The following PCDH15 variants were observed in gnomAD, a reference collection of about 807,000 sequenced individuals.
PCDH15 encodes the protein protocadherin-15.
A neutral mutation model predicts 178.5 loss-of-function variants in PCDH15; 129 were observed. That is an observed-to-expected ratio of 0.72 (90% CI 0.63 to 0.84). The LOEUF (loss-of-function observed/expected upper bound fraction) is 0.84. PCDH15 is among the 40% of genes least tolerant of loss of function. The probability of loss-of-function intolerance (pLI) is 0.00; values close to 1 mark genes in which losing one functional copy is unlikely to be tolerated. For synonymous variants in PCDH15, 800 were observed against 732.0 expected (o/e 1.09, Z -1.50); for missense variants, 2,230 against 2,099.9 (o/e 1.06, Z -1.21).
intron 3 of PCDH15, among the ~76,000 whole-genome samples, chr10:54,872,699 G>A (rs963049593): frequency 1.3e-5 from 2 of 151,992 alleles, no homozygotes; most frequent in Non-Finnish European, 2.9e-5. Context: ...CATCATGCTC[G>A]ATATACTTAG....
At chr10:54,631,042 A>C (rs2093687257) in intron 2 of PCDH15, among the ~76,000 whole-genome samples, 1 of 152,184 alleles carries the variant, frequency 6.6e-6, no homozygotes, top group Non-Finnish European at 1.5e-5. Flanking sequence ...ATGTCCCTAC[A>C]ATATCTCATG....
chr10:54,867,700 C>A (rs1166987047), intron 3 of PCDH15, among the ~76,000 whole-genome samples: 2 of 151,938 alleles, frequency 1.3e-5, no homozygotes, highest in Non-Finnish European at 2.9e-5. Flanking sequence ...GCAATTAATT[C>A]ACTCTTTCTA....
At chr10:54,517,323 G>C (rs934436605) in intron 3 of PCDH15, among the ~76,000 whole-genome samples, 1 of 152,090 alleles carries the variant, frequency 6.6e-6, no homozygotes, top group Non-Finnish European at 1.5e-5. Flanking sequence ...CCCATCTCAT[G>C]TGCAGAGACA....
chr10:54,887,582 T>G (rs148763607), intron 3 of PCDH15, among the ~76,000 whole-genome samples: 1 of 152,034 alleles, frequency 6.6e-6, no homozygotes, highest in South Asian at 2.1e-4. Context: ...AAAAGAGTAA[T>G]GCAAAGTATT....
intron 26 of PCDH15, among the ~76,000 whole-genome samples, chr10:53,899,560 T>A (rs895056425): frequency 1.6e-4 from 25 of 152,322 alleles, no homozygotes; most frequent in African/African-American, 6.0e-4. Flanking sequence ...TTAACTTTTA[T>A]CATTCTGCGT....
Position 54,638,876 on chromosome 10 carries a change from T to G in PCDH15, c.91+25296A>C, listed in dbSNP as rs559602086. Among the ~76,000 whole-genome samples, 180 of 143,220 alleles carry G rather than the reference T, an allele frequency of 1.3e-3. 1 individual carries two copies. In the Middle Eastern group the frequency reaches 0.017, roughly 14 times the overall value. The allele number at this position is 143,220 out of a possible 152,430, so 94.0% of individuals were successfully genotyped here. On this transcript the variant is annotated intron_variant, in intron 2 of 37. Coordinates refer to ENST00000644397, the MANE Select transcript of PCDH15 (RefSeq NM_001384140.1). ...AGCTATAAAAAATAACGAAATTATG[T>G]TTTTTTTTGCAGCAACTTGGATGGA... is the stretch of plus-strand genomic sequence containing the variant.
chr10:54,602,579 A>G (rs1283988687), intron 2 of PCDH15, among the ~76,000 whole-genome samples: 3 of 151,904 alleles, frequency 2.0e-5, no homozygotes, highest in Non-Finnish European at 4.4e-5. Context: ...TTCCCCATTG[A>G]TTATTATGTT....
At chr10:55,272,056 A>G (rs1210497224) in intron 1 of PCDH15, among the ~76,000 whole-genome samples, 1 of 152,140 alleles carries the variant, frequency 6.6e-6, no homozygotes, top group Non-Finnish European at 1.5e-5. Flanking sequence ...CACGAGTTTG[A>G]GGAAATAAAT....
At chr10:54,822,680 T>C (rs188989628) in intron 3 of PCDH15, among the ~76,000 whole-genome samples, 1 of 152,002 alleles carries the variant, frequency 6.6e-6, no homozygotes, top group Admixed American at 6.6e-5. Context: ...CACATGGTAA[T>C]TCTATTTTTA....
chr10:54,545,477 G>A (rs941787667), intron 2 of PCDH15, among the ~76,000 whole-genome samples: 2 of 150,340 alleles, frequency 1.3e-5, no homozygotes, highest in African/African-American at 5.0e-5. Context: ...GCCACTATTG[G>A]TTCAAGTAAG....
rs535842047 is a variant in PCDH15, at chr10:55,490,140, T to C, written c.-156+137485A>G. Among the ~76,000 whole-genome samples, 40 of 151,782 alleles carry C rather than the reference T, an allele frequency of 2.6e-4. 1 individual carries two copies. Among genetic ancestry groups the C allele is most frequent in the African/African-American group, 9.4e-4 (39 of 41,476 alleles). On this transcript the variant is annotated intron_variant, in intron 2 of 5. Transcript: ENST00000613346. ...TGTAAAAAGGGAAATAAACAGAAAGTGTTCTATATAATCCTAGTTTTCTGT... is the reference window on the plus strand; with the variant it reads ...TGTAAAAAGGGAAATAAACAGAAAGCGTTCTATATAATCCTAGTTTTCTGT...
chr10:55,112,750 G>A (rs1386579660), intron 2 of PCDH15, among the ~76,000 whole-genome samples: 1 of 152,162 alleles, frequency 6.6e-6, no homozygotes, highest in Non-Finnish European at 1.5e-5. Context: ...TTATGGGATA[G>A]AGGCAACAAG....
At chr10:54,623,118 T>C (rs1362600667) in intron 2 of PCDH15, among the ~76,000 whole-genome samples, 1 of 152,104 alleles carries the variant, frequency 6.6e-6, no homozygotes, top group African/African-American at 2.4e-5. Flanking sequence ...ACTTTCCATT[T>C]GTCTATTCAA....
intron 15 of PCDH15, among the ~76,000 whole-genome samples, chr10:54,122,569 G>A (rs1475480530): frequency 1.4e-5 from 2 of 145,910 alleles, no homozygotes; most frequent in East Asian, 2.4e-4. Flanking sequence ...AGAAACAAAA[G>A]CATCCAAATA....
At chr10:54,953,805 G>C (rs931813605) in intron 2 of PCDH15, among the ~76,000 whole-genome samples, 7 of 150,830 alleles carry the variant, frequency 4.6e-5, no homozygotes, top group Non-Finnish European at 1.0e-4. Flanking sequence ...TGTATATTAA[G>C]GACAATGAAA....
intron 13 of PCDH15, among the ~76,000 whole-genome samples, chr10:54,166,338 T>G (rs1278927460): frequency 2.0e-5 from 3 of 152,218 alleles, no homozygotes; most frequent in African/African-American, 7.2e-5. Flanking sequence ...TATAGTCAAC[T>G]CCTTGAGGAT....
chr10:53,806,572 A>AAAT lies in PCDH15; in HGVS notation c.*4_*6dup, dbSNP rs765957981. Reference sequence around the variant, plus strand: ...AAAATTAATTAAAATATCTTTTAAAAAATTGGTCACAGTTTTGTCATTGGT... The same window carrying AAAT: ...AAAATTAATTAAAATATCTTTTAAAAAATAATTGGTCACAGTTTTGTCATTGGT... On this transcript the variant is annotated 3_prime_UTR_variant, in exon 38 of 38. Coordinates refer to ENST00000644397, the MANE Select transcript of PCDH15 (RefSeq NM_001384140.1). 4 of 1,569,084 alleles carry AAAT rather than the reference A, an allele frequency of 2.5e-6. No individual in the cohort carries two copies. Among genetic ancestry groups the AAAT allele is most frequent in the Non-Finnish European group, 8.6e-7 (1 of 1,156,654 alleles).
chr10:54,220,820 G>T (rs1028402247), intron 9 of PCDH15, among the ~76,000 whole-genome samples: 1 of 136,702 alleles, frequency 7.3e-6, no homozygotes, highest in Non-Finnish European at 1.5e-5. Flanking sequence ...GCGAGACTCC[G>T]TCTCAAAATA....
chr10:54,951,242 C>G (rs1369108636), intron 2 of PCDH15, among the ~76,000 whole-genome samples: 1 of 151,834 alleles, frequency 6.6e-6, no homozygotes, highest in Non-Finnish European at 1.5e-5. Flanking sequence ...GCACTCTAAA[C>G]CTCTAGAAAT....
Sources: gnomAD v4.1 joint callset for allele counts (sites outside exome capture counted in the v4.1 genomes callset) on GRCh38, gnomAD v4.1.1 for gene constraint, MANE v1.5 for transcripts, NCBI Gene and HGNC (gene_info 2026-07-23, HGNC 2026-07-21) for gene names.